The following ATP13A2 variants were observed in gnomAD, a reference collection of about 807,000 sequenced individuals.
The protein encoded by ATP13A2 is ATPase cation transporting 13A2.
A neutral mutation model predicts 138.3 loss-of-function variants in ATP13A2; 83 were observed. That is an observed-to-expected ratio of 0.60 (90% CI 0.50 to 0.72). ATP13A2 has a LOEUF of 0.72. Among genes scored for constraint, ATP13A2 ranks in the 30% least tolerant of loss-of-function variants. The pLI, the probability that ATP13A2 is intolerant of heterozygous loss-of-function variation, is 0.00. For missense variants in ATP13A2, 1,402 were observed against 1,606.4 expected (o/e 0.87, Z 2.17); for synonymous variants, 663 against 699.0 (o/e 0.95, Z 0.81).
rs1455929166 is a variant in ATP13A2, at chr1:16,992,170, G to A, written c.2006-41C>T. 1.9e-6 allele frequency: 3 copies of A among 1,611,458 alleles called. No homozygotes were observed. In the African/African-American group the frequency reaches 4.0e-5, roughly 22 times the overall value. On this transcript the variant is annotated intron_variant, in intron 18 of 28. Coordinates refer to ENST00000326735, the MANE Select transcript of ATP13A2 (RefSeq NM_022089.4). ...AGGTGTCACAAGGAGGGGATGGCAG[G>A]GACAGAGGCTGGGTACCCACCCCAT... is the stretch of plus-strand genomic sequence containing the variant.
chr1:17,004,375 G>T lies in ATP13A2; in HGVS notation c.514C>A (p.Arg172Ser). ...VLRYYLFQGQ[R>S]YIWIETQQAF... ...TGCTGGGTCTCGATCCAGATATAGC[G>T]CTGGCCCTGGAAGAGGTAATACCGC... is the stretch of plus-strand genomic sequence containing the variant. The change falls in exon 6 of 29, where the codon CGC (arginine) becomes AGC (serine). Residue 172 changes from arginine to serine, a missense_variant. Arg to Ser is a moderately radical substitution (Grantham distance 110). Coordinates refer to ENST00000326735, the MANE Select transcript of ATP13A2 (RefSeq NM_022089.4). The surrounding 1 kb of genome is among the most constrained non-coding windows in gnomAD (Gnocchi z 4.1). 1 of 1,614,056 alleles carries T rather than the reference G, an allele frequency of 6.2e-7. No homozygotes were observed. Among genetic ancestry groups the T allele is most frequent in the Non-Finnish European group, 8.5e-7 (1 of 1,180,006 alleles).
In ATP13A2 at chr1:17,001,233, C is replaced by T. The variant is rs1173477331; in HGVS notation, c.706-699G>A. Reference sequence around the variant, plus strand: ...AGGAGTTTGAGACCAGCCTAGCCAACATAGTGAATCCCCGTATCTACTAAA... The same window carrying T: ...AGGAGTTTGAGACCAGCCTAGCCAATATAGTGAATCCCCGTATCTACTAAA... On this transcript the variant is annotated intron_variant, in intron 8 of 28. Transcript: ENST00000326735. Among the ~76,000 whole-genome samples, 6 of 131,718 alleles carry T rather than the reference C, an allele frequency of 4.6e-5. No individual in the cohort carries two copies. The East Asian group carries it at 1.4e-3, about 31-fold the overall frequency. The allele number at this position is 131,718 out of a possible 152,430, so 86.4% of individuals were successfully genotyped here.
Position 17,005,000 on chromosome 1 carries a change from TGG to T in ATP13A2, c.347+12_347+13del, listed in dbSNP as rs769091792. 5 of 1,613,536 alleles carry T rather than the reference TGG, an allele frequency of 3.1e-6. No individual in the cohort carries two copies. The South Asian group carries it at 5.5e-5, about 18-fold the overall frequency. ...AGCAGGGGCTTCTGGGAAGGGGCAA[TGG>T]GGCTGCCTCACCTGCCCTCGCCGAT... On this transcript the variant is annotated intron_variant, in intron 4 of 28. Transcript: ENST00000326735. The surrounding 1 kb of genome is among the most constrained non-coding windows in gnomAD (Gnocchi z 4.1).
chr1:16,989,649 G>T, intron 23 of ATP13A2, 42 bp downstream of exon 23: 2 of 1,598,508 alleles, frequency 1.3e-6, no homozygotes, highest in Non-Finnish European at 1.7e-6. Flanking sequence ...GACAAGCTCA[G>T]TCTCCGCAGG....
At chr1:17,007,169 G>C (rs1293696910) in intron 1 of ATP13A2, among the ~76,000 whole-genome samples, 1 of 152,142 alleles carries the variant, frequency 6.6e-6, no homozygotes, top group Non-Finnish European at 1.5e-5. Flanking sequence ...GAGCCACTGC[G>C]CCCGGCCACA....
rs753087058 is a variant in ATP13A2 at position 17,005,442 on chromosome 1, G to A, written c.220C>T (p.Arg74Trp). The change falls in exon 3 of 29, where the codon CGG (arginine) becomes TGG (tryptophan). Residue 74 changes from arginine to tryptophan, a missense_variant. Coordinates refer to ENST00000326735, the MANE Select transcript of ATP13A2 (RefSeq NM_022089.4). ...AGGTTGCAGGGCCGGAGCCGCAGCC[G>A]CACCCCCCACAGGGGCTTCCAACGG... ...LFRWKPLWGV[R>W]LRLRPCNLAH... The A allele has an allele frequency of 5.0e-6, 8 of 1,613,886 alleles. No individual in the cohort carries two copies. Among genetic ancestry groups the A allele is most frequent in the Admixed American group, 3.3e-5 (2 of 59,980 alleles).
In ATP13A2 at chr1:16,986,391, CG is replaced by C. The variant is rs2076723389; in HGVS notation, c.3406-34del. The C allele has an allele frequency of 1.3e-6, 2 of 1,593,196 alleles. No individual in the cohort carries two copies. Among genetic ancestry groups the C allele is most frequent in the Non-Finnish European group, 1.7e-6 (2 of 1,172,940 alleles). On this transcript the variant is annotated intron_variant, in intron 28 of 28. Transcript: ENST00000326735. This position sits in a 1 kb window ranked among gnomAD's most constrained non-coding sequence, Gnocchi z 6.9. ...GGGCAGGGAGGGTGTCAGGGGCAGC[CG>C]GGGCTGAGCTGGGGTCAATGCACCC...
chr1:17,010,591 G>A (rs896029355), intron 1 of ATP13A2, among the ~76,000 whole-genome samples: 3 of 152,142 alleles, frequency 2.0e-5, no homozygotes, highest in African/African-American at 7.2e-5. Flanking sequence ...CTGGAAATGA[G>A]TGTGTCTGAA....
chr1:16,986,822 C>T lies in ATP13A2; in HGVS notation c.3218G>A (p.Arg1073Gln), dbSNP rs747907490. 1.6e-5 allele frequency: 26 copies of T among 1,612,786 alleles called. No individual in the cohort carries two copies. The highest frequency in any genetic ancestry group is 3.3e-5 in the Admixed American group (2 of 59,868). Residue 1073 changes from arginine to glutamine, a missense_variant, in exon 27 of 29, where the codon CGG (arginine) becomes CAG (glutamine). Transcript: ENST00000326735. This position sits in a 1 kb window ranked among gnomAD's most constrained non-coding sequence, Gnocchi z 6.9. Reference sequence around the variant, plus strand: ...AGTGGCACCATTGGTGTAGAGCGGCCGGCGGAAGGGCGCCCCCTTGGACAC... The same window carrying T: ...AGTGGCACCATTGGTGTAGAGCGGCTGGCGGAAGGGCGCCCCCTTGGACAC... ...AAVSKGAPFR[R>Q]PLYTNVPFLV...
chr1:16,997,414 C>CAGGG (rs2077171091), intron 11 of ATP13A2, among the ~76,000 whole-genome samples: 1 of 56,642 alleles, frequency 1.8e-5, no homozygotes, highest in African/African-American at 9.5e-5. Context: ...CTGGAACCAG[C>CAGGG]GGGGGGGGGT....
At position 16,987,283 on chromosome 1, in the gene ATP13A2, G is replaced by C. The variant is rs1307912139; in HGVS notation, c.2860-14C>G. 1.2e-6 allele frequency: 2 copies of C among 1,612,920 alleles called. No homozygotes were observed. Among genetic ancestry groups the C allele is most frequent in the African/African-American group, 2.7e-5 (2 of 75,010 alleles). On this transcript the variant is annotated splice_polypyrimidine_tract_variant and intron_variant, in intron 25 of 28. Coordinates refer to ENST00000326735, the MANE Select transcript of ATP13A2 (RefSeq NM_022089.4). ...GTTGGTGTTGATCTGCCACAGGGAA[G>C]GGAGGACAGAGGGGAAACTAAGACC...
In ATP13A2 at chr1:16,990,234, G is replaced by A. The variant is rs1298701151; in HGVS notation, c.2305C>T (p.Pro769Ser). Residue 769 changes from proline (P) to serine (S), a missense_variant, in exon 21 of 29, where the codon CCC becomes TCC. Pro to Ser is a moderately conservative substitution (Grantham distance 74). Transcript: ENST00000326735. ...TVARGCGMVA[P>S]QEHLIIVHAT... ...TGGACGATGATCAGATGCTCCTGGG[G>A]GGCCACCATGCCACAGCCCCGGGCC... is the stretch of plus-strand genomic sequence containing the variant. The A allele has an allele frequency of 3.7e-6, 6 of 1,614,036 alleles. No homozygotes were observed. Among genetic ancestry groups the A allele is most frequent in the Non-Finnish European group, 5.1e-6 (6 of 1,180,036 alleles).
rs1033088325 is a variant in ATP13A2 at position 16,997,112 on chromosome 1, G to A, written c.1103C>T (p.Thr368Ile). The A allele has an allele frequency of 4.3e-5, 69 of 1,613,714 alleles. No homozygotes were observed. The highest frequency in any genetic ancestry group is 5.8e-5 in the Non-Finnish European group (68 of 1,180,042). The change falls in exon 12 of 29, where the codon ACA (threonine) becomes ATA (isoleucine). Residue 368 changes from threonine (T) to isoleucine (I), a missense_variant. Transcript: ENST00000326735. ...PEGLGPYCAE[T>I]HRRHTLFCGT... ...GCAGAAGAGTGTGTGCCGCCGGTGT[G>A]TCTCTGCACAGTAGGGCCCCAGCCC...
chr1:16,993,521 G>T, intron 16 of ATP13A2, 108 bp downstream of exon 16: 1 of 1,095,242 alleles, frequency 9.1e-7, no homozygotes, highest in Non-Finnish European at 1.3e-6. Flanking sequence ...TATTATTAAT[G>T]GTGGGCATAA....
intron 11 of ATP13A2, among the ~76,000 whole-genome samples, chr1:16,998,100 G>T (rs2077210490): frequency 6.6e-6 from 1 of 152,214 alleles, no homozygotes; most frequent in Non-Finnish European, 1.5e-5. Flanking sequence ...AGACAATCCT[G>T]CCATGTCTGC....
Position 16,989,870 on chromosome 1 carries a change from G to T in ATP13A2, c.2529+17C>A. 2 of 1,607,432 alleles carry T rather than the reference G, an allele frequency of 1.2e-6. No individual in the cohort carries two copies. Among genetic ancestry groups the T allele is most frequent in the Non-Finnish European group, 1.7e-6 (2 of 1,176,088 alleles). Reference sequence around the variant, plus strand: ...AGGGGAGGCGCAGGGCGGCCAGGGAGCTGGGGGCGGCCCTACCTTGGGCAG... The same window carrying T: ...AGGGGAGGCGCAGGGCGGCCAGGGATCTGGGGGCGGCCCTACCTTGGGCAG... On this transcript the variant is annotated intron_variant, in intron 22 of 28. Coordinates refer to ENST00000326735, the MANE Select transcript of ATP13A2 (RefSeq NM_022089.4).
At chr1:16,996,921 C>T (rs995138545) in intron 12 of ATP13A2, 99 bp downstream of exon 12, 36 of 1,439,922 alleles carry the variant, frequency 2.5e-5, no homozygotes, top group Non-Finnish European at 3.1e-5. Context: ...CAGAGGTGGG[C>T]GTGGGGTCCA....
chr1:17,000,934 C>T (rs7550758), intron 8 of ATP13A2: 77,202 of 190,352 alleles, frequency 0.41, 17,332 homozygotes, highest in Non-Finnish European at 0.5. Context: ...AGAGGGAGAC[C>T]CTGTCTCAAA....
chr1:16,995,490 T>G lies in ATP13A2; in HGVS notation c.1542+486A>C. ...CCAGTAATTTTTTTTTTTTTTTGAGTTTTGCTCTGTCACCCAGGCTGGAGT... is the reference window on the plus strand; with the variant it reads ...CCAGTAATTTTTTTTTTTTTTTGAGGTTTGCTCTGTCACCCAGGCTGGAGT... On this transcript the variant is annotated intron_variant, in intron 15 of 28. Coordinates refer to ENST00000326735, the MANE Select transcript of ATP13A2 (RefSeq NM_022089.4). This position sits in a 1 kb window ranked among gnomAD's most constrained non-coding sequence, Gnocchi z 4.1. 3.2e-5 allele frequency: 7 copies of G among 219,086 alleles called. No homozygotes were observed. The highest frequency in any genetic ancestry group is 6.2e-5 in the South Asian group (1 of 16,036). 13.6% of individuals were successfully genotyped at this position (219,086 alleles called of 1,614,324 possible). A position where few individuals can be genotyped will look rare whatever the true frequency, so the allele number is the denominator to read the frequency against.
Sources: allele counts gnomAD v4.1 joint callset (sites outside exome capture counted in the v4.1 genomes callset), GRCh38; gene constraint gnomAD v4.1.1; non-coding constraint Gnocchi (gnomAD v3.1); transcripts MANE v1.5; gene names NCBI Gene and HGNC (gene_info 2026-07-23, HGNC 2026-07-21).